The following CALD1 variants were observed in gnomAD, a reference collection of about 807,000 sequenced individuals.
CALD1 encodes caldesmon 1.
A neutral mutation model predicts 99.9 loss-of-function variants in CALD1; 33 were observed. That is an observed-to-expected ratio of 0.33 (90% CI 0.25 to 0.44). The LOEUF is 0.44. Ranked by LOEUF, CALD1 falls within the 20% of genes least tolerant of loss-of-function variation. The pLI is 1.00. For missense variants in CALD1, 861 were observed against 962.1 expected (o/e 0.89, Z 1.39); for synonymous variants, 310 against 325.0 (o/e 0.95, Z 0.50).
At chr7:134,733,466 T>C in the CALD1 span, among the ~76,000 whole-genome samples, 1 of 152,226 alleles carries the variant, frequency 6.6e-6, no homozygotes, top group African/African-American at 2.4e-5. Flanking sequence ...AGGACTATAT[T>C]TTGTACGTCT....
chr7:134,794,037 C>T (rs1473853244), intron 1 of CALD1, among the ~76,000 whole-genome samples: 2 of 152,292 alleles, frequency 1.3e-5, no homozygotes, highest in East Asian at 3.9e-4. Context: ...GAGGCCATGC[C>T]TGTCTGCCAT....
At chr7:134,955,179 C>T (rs1234415140) in intron 9 of CALD1, among the ~76,000 whole-genome samples, 3 of 152,186 alleles carry the variant, frequency 2.0e-5, no homozygotes, top group Non-Finnish European at 4.4e-5. Flanking sequence ...ATCATGAGGT[C>T]AAGAGATCGA....
chr7:134,864,692 A>G (rs527667899), intron 2 of CALD1, among the ~76,000 whole-genome samples: 2 of 152,290 alleles, frequency 1.3e-5, no homozygotes, highest in Admixed American at 6.5e-5. Context: ...GAGCCACTGC[A>G]TCTGGCCTGA....
At chr7:134,726,436 T>C in the CALD1 span, among the ~76,000 whole-genome samples, 1 of 105,676 alleles carries the variant, frequency 9.5e-6, no homozygotes, top group Non-Finnish European at 1.8e-5. Flanking sequence ...ATATATTATA[T>C]AGCTTTATAT....
intron 3 of CALD1, among the ~76,000 whole-genome samples, chr7:134,882,660 C>G (rs1208160399): frequency 6.6e-6 from 1 of 152,096 alleles, no homozygotes; most frequent in African/African-American, 2.4e-5. Context: ...CCAGTTAATC[C>G]CAGAAGAATG....
At chr7:134,945,278 C>T (rs1040643008) in intron 7 of CALD1, among the ~76,000 whole-genome samples, 16 of 152,072 alleles carry the variant, frequency 1.1e-4, no homozygotes, top group East Asian at 1.9e-4. Context: ...ATCTCAGGCA[C>T]GGAAGGTAGC....
intron 1 of CALD1, among the ~76,000 whole-genome samples, chr7:134,751,650 CTT>C (rs770555684): frequency 2.0e-5 from 2 of 100,494 alleles, no homozygotes; most frequent in Non-Finnish European, 3.9e-5. Flanking sequence ...TCTTCAAAGT[CTT>C]TATTGTTGGT....
rs978484297 is a variant in CALD1, at chr7:134,779,681, T to C, written c.-198T>C. The C allele has an allele frequency of 2.5e-6, 1 of 398,804 alleles. No individual in the cohort carries two copies. Among genetic ancestry groups the C allele is most frequent in the Non-Finnish European group, 4.4e-6 (1 of 226,224 alleles). 24.7% of individuals were successfully genotyped at this position (398,804 alleles called of 1,614,324 possible). A position where few individuals can be genotyped will look rare whatever the true frequency, so the allele number is the denominator to read the frequency against. Reference sequence around the variant, plus strand: ...TGCCCGCCTGCTTGCTCTCTGGCTGTGCTCCTGCTTAAAGAAATCAGTCCT... The same window carrying C: ...TGCCCGCCTGCTTGCTCTCTGGCTGCGCTCCTGCTTAAAGAAATCAGTCCT... On this transcript the variant is annotated 5_prime_UTR_variant, in exon 1 of 15. Transcript: ENST00000361675.
intron 3 of CALD1, among the ~76,000 whole-genome samples, chr7:134,884,370 C>T (rs1416375435): frequency 2.0e-5 from 3 of 152,138 alleles, no homozygotes; most frequent in East Asian, 1.9e-4. Flanking sequence ...GATTTCACCC[C>T]GCTTTGCTCT....
At chr7:134,747,715 T>C (rs1796648326) in intron 1 of CALD1, among the ~76,000 whole-genome samples, 1 of 152,220 alleles carries the variant, frequency 6.6e-6, no homozygotes, top group Non-Finnish European at 1.5e-5. Flanking sequence ...TGCAGCATGC[T>C]TGGCACCCAG....
chr7:134,805,410 TTTG>T (rs546251503), intron 1 of CALD1, among the ~76,000 whole-genome samples: 4 of 152,190 alleles, frequency 2.6e-5, no homozygotes, highest in Admixed American at 1.3e-4. Flanking sequence ...CTAAGGGTTC[TTTG>T]TTGTTGTTGT....
chr7:134,720,456 A>G, the CALD1 span, among the ~76,000 whole-genome samples: 3 of 152,072 alleles, frequency 2.0e-5, no homozygotes, highest in East Asian at 5.8e-4. Context: ...CTCATTAGTA[A>G]CTTCTTTATA....
intron 13 of CALD1, among the ~76,000 whole-genome samples, chr7:134,962,591 G>A (rs1443087784): frequency 6.6e-6 from 1 of 152,122 alleles, no homozygotes; most frequent in African/African-American, 2.4e-5. Context: ...AAAGTTCTAT[G>A]AAATCAATGT....
the CALD1 span, among the ~76,000 whole-genome samples, chr7:134,711,674 A>ATG: frequency 2.4e-5 from 2 of 84,762 alleles, no homozygotes; most frequent in African/African-American, 8.2e-5. Context: ...ATATATATAT[A>ATG]TATATATGTG....
chr7:134,767,388 C>T (rs1166648096), intron 1 of CALD1, among the ~76,000 whole-genome samples: 1 of 152,280 alleles, frequency 6.6e-6, no homozygotes, highest in South Asian at 2.1e-4. Context: ...ATAGTCTATC[C>T]CCCAAGAGAA....
At chr7:134,715,928 T>C in the CALD1 span, among the ~76,000 whole-genome samples, 1 of 152,200 alleles carries the variant, frequency 6.6e-6, no homozygotes, top group African/African-American at 2.4e-5. Context: ...AGTTTTACGA[T>C]GCCTGCCAAG....
intron 5 of CALD1, among the ~76,000 whole-genome samples, chr7:134,935,011 T>C (rs926614512): frequency 2.0e-5 from 3 of 152,120 alleles, no homozygotes; most frequent in Non-Finnish European, 4.4e-5. Context: ...TTTGCCAACA[T>C]GTAGACCTCA....
intron 4 of CALD1, among the ~76,000 whole-genome samples, chr7:134,929,306 C>A (rs560543063): frequency 2.1e-4 from 32 of 151,902 alleles, no homozygotes; most frequent in East Asian, 1.4e-3. Flanking sequence ...CAGATAAGTT[C>A]TTTAATGGTG....
In CALD1 at chr7:134,963,168, C is replaced by T. The variant is rs575332086; in HGVS notation, c.2296-2138C>T. Among the ~76,000 whole-genome samples, 3 of 152,228 alleles carry T rather than the reference C, an allele frequency of 2.0e-5. No individual in the cohort carries two copies. The South Asian group carries it at 6.2e-4, about 32-fold the overall frequency. ...GATAATAGCTGCTTTCCAGAGCTTC[C>T]CTCAGCATGTTCCTAATTATAGTTT... On this transcript the variant is annotated intron_variant, in intron 13 of 14. Transcript: ENST00000361675.
Sources: gnomAD v4.1 joint callset for allele counts (sites outside exome capture counted in the v4.1 genomes callset) on GRCh38, gnomAD v4.1.1 for gene constraint, MANE v1.5 for transcripts, NCBI Gene and HGNC (gene_info 2026-07-23, HGNC 2026-07-21) for gene names.